Variants in AFG2A observed in about 807,000 individuals in gnomAD.
AFG2A encodes the protein ATPase family gene 2 protein homolog A.
the AFG2A span, among the ~76,000 whole-genome samples, chr4:123,046,119 AAAAG>A: frequency 1.5e-4 from 23 of 152,104 alleles, no homozygotes; most frequent in South Asian, 4.6e-3. Context: ...GAAAGAAAGA[AAAAG>A]AAATAAATAC....
At chr4:123,218,736 G>A in the AFG2A span, among the ~76,000 whole-genome samples, 1 of 152,036 alleles carries the variant, frequency 6.6e-6, no homozygotes, top group East Asian at 1.9e-4. Flanking sequence ...ACTTAAGCTT[G>A]GGAATATTTT....
At chr4:123,023,951 C>G in the AFG2A span, among the ~76,000 whole-genome samples, 1 of 152,018 alleles carries the variant, frequency 6.6e-6, no homozygotes, top group Non-Finnish European at 1.5e-5. Context: ...TCCTGCCCCC[C>G]ACCGAGAGCG....
the AFG2A span, among the ~76,000 whole-genome samples, chr4:123,126,179 A>G: frequency 4.6e-5 from 7 of 152,150 alleles, no homozygotes; most frequent in African/African-American, 1.7e-4. Flanking sequence ...TGTGATATGC[A>G]CGTACTATTA....
chr4:123,219,843 A>G, the AFG2A span, among the ~76,000 whole-genome samples: 1 of 152,054 alleles, frequency 6.6e-6, no homozygotes, highest in South Asian at 2.1e-4. Flanking sequence ...TCAATCTCTG[A>G]ACTATTTAAC....
chr4:123,112,099 T>C, the AFG2A span, among the ~76,000 whole-genome samples: 1 of 152,182 alleles, frequency 6.6e-6, no homozygotes, highest in East Asian at 1.9e-4. Flanking sequence ...ATTGAGTGAA[T>C]GAATGGCTGG....
the AFG2A span, chr4:122,923,217 C>T: frequency 6.2e-7 from 1 of 1,614,228 alleles, no homozygotes; most frequent in Admixed American, 1.7e-5. Flanking sequence ...CTGCTGCTTC[C>T]TCTTGTGCGG....
the AFG2A span, among the ~76,000 whole-genome samples, chr4:122,930,758 C>T: frequency 3.3e-5 from 5 of 152,118 alleles, no homozygotes; most frequent in Non-Finnish European, 7.4e-5. Context: ...AATGGTGCTA[C>T]AGGTAGCAGT....
At chr4:122,927,770 T>C in the AFG2A span, 3 of 1,610,800 alleles carry the variant, frequency 1.9e-6, no homozygotes, top group Non-Finnish European at 2.5e-6. Flanking sequence ...TAAGAGTCTT[T>C]TTCATTTCCT....
the AFG2A span, among the ~76,000 whole-genome samples, chr4:123,311,625 CAAA>C: frequency 1.8e-4 from 17 of 92,212 alleles, no homozygotes; most frequent in African/African-American, 6.7e-4. Context: ...GACTCTGTCT[CAAA>C]AAAAAAAAAA....
At chr4:123,121,719 C>T in the AFG2A span, among the ~76,000 whole-genome samples, 1 of 152,148 alleles carries the variant, frequency 6.6e-6, no homozygotes, top group African/African-American at 2.4e-5. Context: ...GATGTTTGCA[C>T]AATGACAAAA....
the AFG2A span, among the ~76,000 whole-genome samples, chr4:122,998,739 C>T: frequency 2.6e-5 from 4 of 152,120 alleles, no homozygotes; most frequent in African/African-American, 9.7e-5. Flanking sequence ...GGTTCCAAGT[C>T]TTTGCTATTG....
At chr4:123,090,271 A>T in the AFG2A span, among the ~76,000 whole-genome samples, 2 of 152,164 alleles carry the variant, frequency 1.3e-5, no homozygotes, top group East Asian at 3.8e-4. Flanking sequence ...ACAATTCTCT[A>T]TGTATTTGAT....
At chr4:123,265,527 C>T in the AFG2A span, among the ~76,000 whole-genome samples, 1 of 152,106 alleles carries the variant, frequency 6.6e-6, no homozygotes, top group African/African-American at 2.4e-5. Flanking sequence ...AGGATGTTTA[C>T]ACCAAAGCTA....
the AFG2A span, among the ~76,000 whole-genome samples, chr4:123,106,004 A>G: frequency 6.6e-6 from 1 of 152,196 alleles, no homozygotes; most frequent in South Asian, 2.1e-4. Flanking sequence ...ATAGCATTAC[A>G]TGCTACAAAG....
the AFG2A span, among the ~76,000 whole-genome samples, chr4:122,995,339 A>G: frequency 2.0e-5 from 3 of 152,108 alleles, no homozygotes; most frequent in Non-Finnish European, 2.9e-5. Context: ...TTGTCTAGAC[A>G]GAAAAGTGTC....
the AFG2A span, chr4:122,927,555 T>C: frequency 2.1e-6 from 3 of 1,441,852 alleles, no homozygotes; most frequent in Non-Finnish European, 2.8e-6. Context: ...GGTTAGAGTA[T>C]TTTTATTTAC....
chr4:123,219,251 G>A, the AFG2A span, among the ~76,000 whole-genome samples: 1 of 152,212 alleles, frequency 6.6e-6, no homozygotes, highest in Admixed American at 6.5e-5. Context: ...TAAGAGAGGA[G>A]GCAAGCGTCT....
At chr4:123,317,397 A>G in the AFG2A span, 1 of 152,206 alleles carries the variant, frequency 6.6e-6, no homozygotes, top group Non-Finnish European at 1.5e-5. Flanking sequence ...TAGCACTTGG[A>G]CTAGTTACAG....
At chr4:123,146,579 C>A in the AFG2A span, among the ~76,000 whole-genome samples, 1 of 152,198 alleles carries the variant, frequency 6.6e-6, no homozygotes, top group African/African-American at 2.4e-5. Flanking sequence ...AAATTAAGCT[C>A]TCTGTTTAAT....
Sources: allele counts gnomAD v4.1 joint callset (sites outside exome capture counted in the v4.1 genomes callset), GRCh38; gene constraint gnomAD v4.1.1; transcripts MANE v1.5; gene names NCBI Gene and HGNC (gene_info 2026-07-23, HGNC 2026-07-21).